The following PGRMC2 variants were observed in gnomAD, a reference collection of about 807,000 sequenced individuals.
The protein encoded by PGRMC2 is membrane-associated progesterone receptor component 2.
PGRMC2 carries 9 observed loss-of-function variants against 19.3 expected under a neutral mutation model. The ratio of observed to expected loss-of-function variants is 0.47; its 90% confidence interval spans 0.28 to 0.81. The LOEUF is 0.81. PGRMC2 is among the 40% of genes least tolerant of loss of function. PGRMC2 has a pLI of 0.11. For synonymous variants in PGRMC2, 157 were observed against 124.6 expected, an observed-to-expected ratio of 1.26 and a Z score of -1.73; for missense variants, 289 against 297.3, an observed-to-expected ratio of 0.97 and a Z score of 0.21.
At chr4:128,277,193 A>C (rs986999090) in intron 1 of PGRMC2, among the ~76,000 whole-genome samples, 3 of 150,960 alleles carry the variant, frequency 2.0e-5, no homozygotes, top group African/African-American at 4.9e-5. Flanking sequence ...AACAAACAAA[A>C]CAAACCCAAC....
At chr4:128,272,909 A>C (rs1760754873) in intron 1 of PGRMC2, 1 of 155,234 alleles carries the variant, frequency 6.4e-6, no homozygotes, top group Admixed American at 6.5e-5. Context: ...GTGGCATCAA[A>C]AAAATAAAAA....
Position 128,287,781 on chromosome 4 carries a change from C to A in PGRMC2, c.10G>T (p.Gly4Cys), listed in dbSNP as rs540944466. 3.8e-5 allele frequency: 56 copies of A among 1,486,422 alleles called. No individual in the cohort carries two copies. The East Asian group carries it at 1.1e-3, about 30-fold the overall frequency. The allele number at this position is 1,486,422 out of a possible 1,614,324, so 92.1% of individuals were successfully genotyped here. The stretch of plus-strand genomic sequence containing the variant: ...GTGCCTAGCTTCACGTCCCCATCAC[C>A]AGCCGCCATCACTGCCCGCCAGCGC... MAA[G>C]DGDVKLGTLG... Residue 4 changes from glycine to cysteine, a missense_variant, in exon 1 of 3, where the codon GGT becomes TGT. Physicochemically the swap from Gly to Cys is radical, Grantham distance 159. Transcript: ENST00000296425.
intron 1 of PGRMC2, chr4:128,286,822 GC>G: frequency 2.6e-6 from 1 of 388,318 alleles, no homozygotes; most frequent in Non-Finnish European, 4.5e-6. Context: ...GACTTTACAT[GC>G]CCCTAAACGT....
intron 1 of PGRMC2, among the ~76,000 whole-genome samples, chr4:128,276,267 T>G (rs1243058619): frequency 1.3e-5 from 2 of 152,160 alleles, no homozygotes; most frequent in Admixed American, 1.3e-4. Flanking sequence ...ACTAAAACAA[T>G]AGGGAGCTCC....
Position 128,287,510 on chromosome 4 carries a change from G to A in PGRMC2, c.281C>T (p.Ser94Phe), listed in dbSNP as rs369538489. The A allele has an allele frequency of 3.1e-6, 5 of 1,609,740 alleles. No individual in the cohort carries two copies. Among genetic ancestry groups the A allele is most frequent in the South Asian group, 2.2e-5 (2 of 90,318 alleles). ...GTCCCGCTTCTTCATGCGAGGCAGA[G>A]AGGTGGCGGGGCTCTCCTCGCCCGC... is the stretch of plus-strand genomic sequence containing the variant. ...AGAGEESPATSLPRMKKRDFS... is the reference protein window; with the variant it reads ...AGAGEESPATFLPRMKKRDFS... Residue 94 changes from serine (S) to phenylalanine (F), a missense_variant, in exon 1 of 3, where the codon TCT (serine) becomes TTT (phenylalanine). Physicochemically the swap from Ser to Phe is radical, Grantham distance 155 (BLOSUM62 -2). Transcript: ENST00000296425.
intron 1 of PGRMC2, among the ~76,000 whole-genome samples, chr4:128,274,610 G>A (rs1351952910): frequency 6.6e-6 from 1 of 151,794 alleles, no homozygotes; most frequent in Non-Finnish European, 1.5e-5. Flanking sequence ...TGTGGCAATG[G>A]GTGTTTTCAG....
chr4:128,271,113 TACAA>T lies in PGRMC2; in HGVS notation c.*199_*202del. On this transcript the variant is annotated 3_prime_UTR_variant, in exon 3 of 3. Transcript: ENST00000296425. ...AGGATGATGAAGCCCCACTAGACAT[TACAA>T]ACAACTGCAACAAATGAGTTTGGCA... 2.5e-6 allele frequency: 1 copy of T among 401,586 alleles called. No homozygotes were observed. Among genetic ancestry groups the T allele is most frequent in the Non-Finnish European group, 4.4e-6 (1 of 224,844 alleles). The allele number at this position is 401,586 out of a possible 1,614,324, so 24.9% of individuals were successfully genotyped here. A position where few individuals can be genotyped will look rare whatever the true frequency, so the allele number is the denominator to read the frequency against.
chr4:128,284,111 G>A (rs1274175279), intron 1 of PGRMC2, among the ~76,000 whole-genome samples: 1 of 152,048 alleles, frequency 6.6e-6, no homozygotes, highest in African/African-American at 2.4e-5. Flanking sequence ...GTGCCTGGCC[G>A]AAAGGCATGT....
intron 1 of PGRMC2, 82 bp from the exon 2 acceptor site, chr4:128,272,599 AAAAACACAACAAAG>A: frequency 1.1e-6 from 1 of 926,708 alleles, no homozygotes; most frequent in Non-Finnish European, 1.4e-6. Flanking sequence ...AAAAAAAAAA[AAAAACACAACAAAG>A]AAAAAAACCC....
In PGRMC2 at chr4:128,270,419, T is replaced by G. The variant is rs1028704348; in HGVS notation, c.*897A>C. On this transcript the variant is annotated 3_prime_UTR_variant, in exon 3 of 3. Coordinates refer to ENST00000296425, the MANE Select transcript of PGRMC2 (RefSeq NM_006320.6). ...GCTAATTGAGTTTGTGTATATTACA[T>G]ATATGGCAGTTAACACTGTAATATT... 1 of 152,656 alleles carries G rather than the reference T, an allele frequency of 6.6e-6. No homozygotes were observed. The highest frequency in any genetic ancestry group is 2.4e-5 in the African/African-American group (1 of 41,462). 9.5% of individuals were successfully genotyped at this position (152,656 alleles called of 1,614,324 possible).
rs772145721 is a variant in PGRMC2 at position 128,272,517 on chromosome 4, G to A, written c.419C>T (p.Ala140Val). The A allele has an allele frequency of 1.1e-5, 16 of 1,440,018 alleles. No homozygotes were observed. The highest frequency in any genetic ancestry group is 4.9e-5 in the South Asian group (3 of 61,658). 89.2% of individuals were successfully genotyped at this position (1,440,018 alleles called of 1,614,324 possible). Residue 140 changes from alanine (A) to valine (V), a missense_variant and splice_region_variant, in exon 2 of 3, where the codon GCG (alanine) becomes GTG (valine). Physicochemically the swap from Ala to Val is moderately conservative, Grantham distance 64 (BLOSUM62 0). Coordinates refer to ENST00000296425, the MANE Select transcript of PGRMC2 (RefSeq NM_006320.6). ...ACCAGCAAATATTCCATATGGACCC[G>A]CTGGAAAAAAGAAAATAAATTATTT... ...VTKGSKFYGP[A>V]GPYGIFAGRD...
Position 128,272,404 on chromosome 4 carries a change from C to G in PGRMC2, c.532G>C (p.Val178Leu), listed in dbSNP as rs776883654. The G allele has an allele frequency of 6.3e-7, 1 of 1,575,046 alleles. No homozygotes were observed. Among genetic ancestry groups the G allele is most frequent in the Non-Finnish European group, 8.6e-7 (1 of 1,163,666 alleles). Residue 178 changes from valine to leucine, a missense_variant, in exon 2 of 3, where the codon GTA (valine) becomes CTA (leucine). Coordinates refer to ENST00000296425, the MANE Select transcript of PGRMC2 (RefSeq NM_006320.6). Reference protein sequence around the residue: ...EYDDLSDLNAVQMESVREWEM... With the variant: ...EYDDLSDLNALQMESVREWEM... ...CATTCTCGAACACTCTCCATTTGTA[C>G]TGCATTCAAATCTGAGAGATCATCA... is the stretch of plus-strand genomic sequence containing the variant.
rs1419358068 is a variant in PGRMC2, at chr4:128,270,771, A to G, written c.*545T>C. The stretch of plus-strand genomic sequence containing the variant: ...TATTTTTCTTTTCCCTGACAAAGCC[A>G]AAAAGAAAAGTTTGGGAATTCACAT... On this transcript the variant is annotated 3_prime_UTR_variant, in exon 3 of 3. Coordinates refer to ENST00000296425, the MANE Select transcript of PGRMC2 (RefSeq NM_006320.6). 2 of 152,190 alleles carry G rather than the reference A, an allele frequency of 1.3e-5. No homozygotes were observed. The highest frequency in any genetic ancestry group is 4.8e-5 in the African/African-American group (2 of 41,462). 9.4% of individuals were successfully genotyped at this position (152,190 alleles called of 1,614,324 possible).
intron 2 of PGRMC2, 124 bp from the exon 3 acceptor site, chr4:128,271,537 A>G: frequency 1.8e-6 from 1 of 543,920 alleles, no homozygotes; most frequent in Non-Finnish European, 3.2e-6. Flanking sequence ...TATTATCTAA[A>G]TATTCTAAAA....
At chr4:128,277,039 C>T (rs1199973692) in intron 1 of PGRMC2, among the ~76,000 whole-genome samples, 2 of 152,144 alleles carry the variant, frequency 1.3e-5, no homozygotes, top group African/African-American at 2.4e-5. Context: ...CACCTGTAGT[C>T]CCAGCTACTT....
intron 1 of PGRMC2, among the ~76,000 whole-genome samples, chr4:128,276,932 G>A (rs1002789564): frequency 1.3e-5 from 2 of 152,038 alleles, no homozygotes; most frequent in Non-Finnish European, 2.9e-5. Context: ...AGAGGCAGGC[G>A]GATCACGAGG....
chr4:128,272,557 T>C, intron 1 of PGRMC2, 40 bp from the exon 2 acceptor site: 1 of 991,962 alleles, frequency 1.0e-6, no homozygotes, highest in Non-Finnish European at 1.3e-6. Flanking sequence ...CACCTAACAA[T>C]ATTTTAGAAT....
At chr4:128,285,514 C>A (rs1760970815) in intron 1 of PGRMC2, among the ~76,000 whole-genome samples, 1 of 152,252 alleles carries the variant, frequency 6.6e-6, no homozygotes, top group South Asian at 2.1e-4. Context: ...TAGCTATTTT[C>A]AGATACTGCC....
rs375804409 is a variant in PGRMC2, at chr4:128,271,308, T to C, written c.*8A>G. ...CTGAAGGCCCCTGACTTTGGTTGTT[T>C]ACAAAGTTCAATCCTGTTTATTGTG... is the stretch of plus-strand genomic sequence containing the variant. On this transcript the variant is annotated 3_prime_UTR_variant, in exon 3 of 3. Transcript: ENST00000296425. The C allele has an allele frequency of 3.3e-6, 5 of 1,499,882 alleles. No homozygotes were observed. The African/African-American group carries it at 4.1e-5, about 12-fold the overall frequency. The allele number at this position is 1,499,882 out of a possible 1,614,324, so 92.9% of individuals were successfully genotyped here. A position where few individuals can be genotyped will look rare whatever the true frequency, so the allele number is the denominator to read the frequency against.
Sources: allele counts gnomAD v4.1 joint callset (sites outside exome capture counted in the v4.1 genomes callset), GRCh38; gene constraint gnomAD v4.1.1; transcripts MANE v1.5; gene names NCBI Gene and HGNC (gene_info 2026-07-23, HGNC 2026-07-21).